Variants in CAV3 observed in about 807,000 individuals in gnomAD.
CAV3 encodes the protein caveolin-3.
CAV3 carries 10 observed loss-of-function variants against 13.4 expected under a neutral mutation model. The ratio of observed to expected loss-of-function variants is 0.75; its 90% CI spans 0.46 to 1.27. The LOEUF is 1.27. Among genes scored for constraint, CAV3 ranks in the 50% most tolerant of loss-of-function variants. The pLI, the probability that CAV3 is intolerant of heterozygous loss-of-function variation, is 0.00. For synonymous variants in CAV3, 90 were observed against 79.0 expected (o/e 1.14, Z -0.74); for missense variants, 162 against 194.0 (o/e 0.83, Z 0.98).
At chr3:8,734,168 A>T (rs1163148231) in intron 1 of CAV3, among the ~76,000 whole-genome samples, 178 bp downstream of exon 1, 1 of 139,686 alleles carries the variant, frequency 7.2e-6, no homozygotes, top group African/African-American at 2.7e-5. Context: ...CTTCTAAATC[A>T]CCGAAGGATC....
At chr3:8,744,353 A>C (rs528482988) in intron 1 of CAV3, among the ~76,000 whole-genome samples, 9 of 141,300 alleles carry the variant, frequency 6.4e-5, no homozygotes, top group African/African-American at 1.9e-4. Context: ...ATCTCGGCTC[A>C]CTGCAAGCCC....
At chr3:8,736,814 G>T (rs184612583) in intron 1 of CAV3, among the ~76,000 whole-genome samples, 5 of 152,326 alleles carry the variant, frequency 3.3e-5, no homozygotes, top group Admixed American at 3.3e-4. Context: ...TGGTTATTTG[G>T]TATGTTTTGG....
Position 8,746,209 on chromosome 3 carries a change from G to C in CAV3, c.*342G>C, listed in dbSNP as rs1410325357. On this transcript the variant is annotated 3_prime_UTR_variant, in exon 2 of 2. Coordinates refer to ENST00000343849, the MANE Select transcript of CAV3 (RefSeq NM_033337.3). ...CCACCCGGGGCCAACCTCTCCACGC[G>C]CACTCAGGAAAGTGACCAGTGACCA... The C allele has an allele frequency of 4.4e-6, 1 of 228,690 alleles. No individual in the cohort carries two copies. Among genetic ancestry groups the C allele is most frequent in the Non-Finnish European group, 8.7e-6 (1 of 114,610 alleles). The allele number at this position is 228,690 out of a possible 1,614,324, so 14.2% of individuals were successfully genotyped here. A position where few individuals can be genotyped will look rare whatever the true frequency, so the allele number is the denominator to read the frequency against.
chr3:8,736,656 G>C (rs6778677), intron 1 of CAV3, among the ~76,000 whole-genome samples: 19,238 of 152,300 alleles, frequency 0.13, 1,319 homozygotes, highest in Non-Finnish European at 0.15. Flanking sequence ...TTATGACGCA[G>C]AGGGAGCGGC....
At chr3:8,742,426 C>T (rs754961638) in intron 1 of CAV3, 20 of 415,950 alleles carry the variant, frequency 4.8e-5, no homozygotes, top group East Asian at 2.2e-4. Flanking sequence ...AAGCCATTGG[C>T]GGTAGGATTA....
chr3:8,734,542 C>T (rs1296999098), intron 1 of CAV3, among the ~76,000 whole-genome samples: 1 of 152,016 alleles, frequency 6.6e-6, no homozygotes, highest in African/African-American at 2.4e-5. Context: ...GGTCTAGTGG[C>T]CAGGACAGGG....
At position 8,745,474 on chromosome 3, in the gene CAV3, T is replaced by G; in HGVS notation, c.115-52T>G. On this transcript the variant is annotated intron_variant, in intron 1 of 1. Coordinates refer to ENST00000343849, the MANE Select transcript of CAV3 (RefSeq NM_033337.3). This position sits in a 1 kb window ranked among gnomAD's most constrained non-coding sequence, Gnocchi z 4.8. Reference sequence around the variant, plus strand: ...ACATGCACGCACACACCCAAAAGCTTGAGAAGCGGGTGGCTTCTGTGAGTT... The same window carrying G: ...ACATGCACGCACACACCCAAAAGCTGGAGAAGCGGGTGGCTTCTGTGAGTT... The G allele has an allele frequency of 6.9e-7, 1 of 1,445,180 alleles. No homozygotes were observed. The highest frequency in any genetic ancestry group is 9.7e-7 in the Non-Finnish European group (1 of 1,028,916). The allele number at this position is 1,445,180 out of a possible 1,614,324, so 89.5% of individuals were successfully genotyped here.
At position 8,742,296 on chromosome 3, in the gene CAV3, A is replaced by G. The variant is rs141553664; in HGVS notation, c.115-3230A>G. Among the ~76,000 whole-genome samples, 128 of 151,406 alleles carry G rather than the reference A, an allele frequency of 8.5e-4. No individual in the cohort carries two copies. In the East Asian group the frequency reaches 0.024, roughly 28 times the overall value. ...AGAAAATAGAGCACTTGCCCCACAC[A>G]CAGCACCCAAAGGCAATCCCTGGAA... On this transcript the variant is annotated intron_variant, in intron 1 of 1. Coordinates refer to ENST00000343849, the MANE Select transcript of CAV3 (RefSeq NM_033337.3).
rs199662898 is a variant in CAV3 at position 8,743,917 on chromosome 3, A to AT, written c.115-1601dup. On this transcript the variant is annotated intron_variant, in intron 1 of 1. Transcript: ENST00000343849. Reference sequence around the variant, plus strand: ...TCTGTTAATTCTCTGTGATATGGCCATTTTTTTTATAATGAAAGTAATTTT... The same window carrying AT: ...TCTGTTAATTCTCTGTGATATGGCCATTTTTTTTTATAATGAAAGTAATTTT... Among the ~76,000 whole-genome samples, 581 of 152,008 alleles carry AT rather than the reference A, an allele frequency of 3.8e-3. 5 individuals are homozygous for AT. The highest frequency in any genetic ancestry group is 0.013 in the African/African-American group (545 of 41,474).
intron 1 of CAV3, among the ~76,000 whole-genome samples, chr3:8,744,333 C>G (rs982255204): frequency 6.9e-6 from 1 of 144,480 alleles, no homozygotes; most frequent in African/African-American, 2.7e-5. Flanking sequence ...GGCTGGAGTG[C>G]AGTGGCACAA....
At chr3:8,734,115 C>G in intron 1 of CAV3, 125 bp downstream of exon 1, 1 of 697,490 alleles carries the variant, frequency 1.4e-6, no homozygotes, top group Non-Finnish European at 2.6e-6. Flanking sequence ...GCTCTGTTGT[C>G]TCTGTATCAC....
At position 8,745,617 on chromosome 3, in the gene CAV3, A is replaced by G; in HGVS notation, c.206A>G (p.Lys69Arg). 1 of 1,614,106 alleles carries G rather than the reference A, an allele frequency of 6.2e-7. No individual in the cohort carries two copies. The highest frequency in any genetic ancestry group is 8.5e-7 in the Non-Finnish European group (1 of 1,180,000). The change falls in exon 2 of 2, where the codon AAG (lysine) becomes AGG (arginine). Residue 69 changes from lysine to arginine, a missense_variant. Transcript: ENST00000343849. The surrounding 1 kb of genome is among the most constrained non-coding windows in gnomAD (Gnocchi z 4.8). Reference sequence around the variant, plus strand: ...AGCTACACCACCTTCACTGTCTCCAAGTACTGGTGCTACCGTCTGTTGTCC... The same window carrying G: ...AGCTACACCACCTTCACTGTCTCCAGGTACTGGTGCTACCGTCTGTTGTCC... ...KVSYTTFTVS[K>R]YWCYRLLSTL...
intron 1 of CAV3, among the ~76,000 whole-genome samples, chr3:8,737,070 T>C (rs1458034670): frequency 6.6e-6 from 1 of 151,796 alleles, no homozygotes; most frequent in Non-Finnish European, 1.5e-5. Flanking sequence ...TGCCCGGGTT[T>C]TGCCATCGAT....
intron 1 of CAV3, among the ~76,000 whole-genome samples, chr3:8,741,379 G>A (rs1380234891): frequency 6.6e-6 from 1 of 152,110 alleles, no homozygotes; most frequent in African/African-American, 2.4e-5. Context: ...TACCTTGTTG[G>A]GAGACAGGAC....
chr3:8,734,284 G>T (rs898715673), intron 1 of CAV3, among the ~76,000 whole-genome samples: 24 of 152,158 alleles, frequency 1.6e-4, no homozygotes, highest in African/African-American at 4.8e-4. Context: ...CTACTGTGAC[G>T]CTCCTGCCAC....
At chr3:8,734,248 C>T (rs1302841339) in intron 1 of CAV3, among the ~76,000 whole-genome samples, 1 of 151,884 alleles carries the variant, frequency 6.6e-6, no homozygotes, top group Non-Finnish European at 1.5e-5. Flanking sequence ...GCAGGAGGAG[C>T]GAGTCACAAA....
rs1427818182 is a variant in CAV3, at chr3:8,741,760, AC to A, written c.115-3762del. ...CAGGACTCTGGGGGAGGTATTTTCG[AC>A]CCCGGGTGACTGTTGTCCTCCCCCG... On this transcript the variant is annotated intron_variant, in intron 1 of 1. Coordinates refer to ENST00000343849, the MANE Select transcript of CAV3 (RefSeq NM_033337.3). 1.6e-4 allele frequency among the ~76,000 whole-genome samples: 25 copies of A among 151,850 alleles called. No individual in the cohort carries two copies. The South Asian group carries it at 5.0e-3, about 31-fold the overall frequency.
chr3:8,741,427 TA>T (rs1707954607), intron 1 of CAV3, among the ~76,000 whole-genome samples: 1 of 152,156 alleles, frequency 6.6e-6, no homozygotes, highest in African/African-American at 2.4e-5. Context: ...AGCAAGGTAA[TA>T]GGGGAGGAAG....
Position 8,745,736 on chromosome 3 carries a change from A to T in CAV3, c.325A>T (p.Ser109Cys). Reference sequence around the variant, plus strand: ...CTGGGCGGTGGTGCCATGCATTAAGAGCTACCTGATCGAGATCCAGTGCAT... The same window carrying T: ...CTGGGCGGTGGTGCCATGCATTAAGTGCTACCTGATCGAGATCCAGTGCAT... ...HIWAVVPCIK[S>C]YLIEIQCISH... The change falls in exon 2 of 2, where the codon AGC (serine) becomes TGC (cysteine). Residue 109 changes from serine to cysteine, a missense_variant. Ser to Cys is a moderately radical substitution (Grantham distance 112, BLOSUM62 -1). Coordinates refer to ENST00000343849, the MANE Select transcript of CAV3 (RefSeq NM_033337.3). The surrounding 1 kb of genome is among the most constrained non-coding windows in gnomAD (Gnocchi z 4.8). The T allele has an allele frequency of 6.2e-7, 1 of 1,614,120 alleles. No homozygotes were observed. Among genetic ancestry groups the T allele is most frequent in the Non-Finnish European group, 8.5e-7 (1 of 1,180,018 alleles).
Sources: gnomAD v4.1 joint callset for allele counts (sites outside exome capture counted in the v4.1 genomes callset) on GRCh38, gnomAD v4.1.1 for gene constraint, Gnocchi (gnomAD v3.1) non-coding constraint, MANE v1.5 for transcripts, NCBI Gene and HGNC (gene_info 2026-07-23, HGNC 2026-07-21) for gene names.